DPF3: variants seen among roughly 807,000 people sequenced by gnomAD.
DPF3 encodes zinc finger protein DPF3.
DPF3 carries 18 observed loss-of-function variants against 56.8 expected under a neutral mutation model. That is an observed-to-expected ratio of 0.32 (90% confidence interval 0.22 to 0.47). DPF3 has a LOEUF of 0.47. Ranked by LOEUF, DPF3 falls within the 20% of genes least tolerant of loss-of-function variation. The pLI is 1.00. For synonymous variants in DPF3, 188 were observed against 180.2 expected (o/e 1.04, Z -0.35); for missense variants, 403 against 488.8 (o/e 0.82, Z 1.65).
intron 2 of DPF3, among the ~76,000 whole-genome samples, chr14:72,757,050 AG>A (rs150716245): frequency 0.035 from 3,643 of 102,854 alleles, 158 homozygotes; most frequent in African/African-American, 0.11. Flanking sequence ...AGAGGGACAG[AG>A]GGGGAGAAAG....
At position 72,796,168 on chromosome 14, in the gene DPF3, C is replaced by T. The variant is rs1205784217; in HGVS notation, c.33-24275G>A. On this transcript the variant is annotated intron_variant, in intron 1 of 10. Coordinates refer to ENST00000556509, the MANE Select transcript of DPF3 (RefSeq NM_001280542.3). ...TTTGATCTGCTAATTAGCTGGGTGA[C>T]TTTAAGAAAGTATGTAACTTATCTG... Among the ~76,000 whole-genome samples the T allele has an allele frequency of 4.6e-5, 7 of 152,252 alleles. 1 individual carries two copies. The East Asian group carries it at 1.3e-3, about 29-fold the overall frequency.
intron 1 of DPF3, among the ~76,000 whole-genome samples, chr14:72,863,024 A>G (rs1337367482): frequency 6.7e-6 from 1 of 149,544 alleles, no homozygotes; most frequent in African/African-American, 2.5e-5. Flanking sequence ...GGGAGGAAAA[A>G]TTACAGAATC....
In DPF3 at chr14:72,668,742, A is replaced by C. The variant is rs552555897; in HGVS notation, c.871+5498T>G. 2.0e-5 allele frequency among the ~76,000 whole-genome samples: 3 copies of C among 152,336 alleles called. No homozygotes were observed. In the South Asian group the frequency reaches 6.2e-4, roughly 32 times the overall value. ...CATTGAGAATTCTGGGACTATGAGC[A>C]ACTAGACAGAATTCAAATGAGAGTG... On this transcript the variant is annotated intron_variant, in intron 8 of 10. Coordinates refer to ENST00000556509, the MANE Select transcript of DPF3 (RefSeq NM_001280542.3).
chr14:72,738,078 G>A (rs1420717681), intron 3 of DPF3, among the ~76,000 whole-genome samples: 3 of 152,104 alleles, frequency 2.0e-5, no homozygotes, highest in African/African-American at 7.2e-5. Context: ...CCATCAGACT[G>A]TCAGACTCGT....
At chr14:72,757,316 T>C (rs1046022969) in intron 2 of DPF3, among the ~76,000 whole-genome samples, 1 of 152,194 alleles carries the variant, frequency 6.6e-6, no homozygotes, top group Non-Finnish European at 1.5e-5. Flanking sequence ...GAATTTATTA[T>C]GTCACAGGAC....
rs115014761 is a variant in DPF3 at position 72,743,239 on chromosome 14, G to A, written c.301+10025C>T. Among the ~76,000 whole-genome samples, 609 of 152,284 alleles carry A rather than the reference G, an allele frequency of 4.0e-3. 4 individuals carry two copies. The highest frequency in any genetic ancestry group is 0.013 in the African/African-American group (546 of 41,562). On this transcript the variant is annotated intron_variant, in intron 3 of 10. Transcript: ENST00000556509. ...CAAGAGTCCTGGAGCAGAAGGGATC[G>A]ACAAGGCCTCAGGTGCATTCCAGGT...
intron 1 of DPF3, among the ~76,000 whole-genome samples, chr14:72,846,235 C>T (rs186275893): frequency 5.3e-5 from 8 of 151,476 alleles, no homozygotes; most frequent in Admixed American, 1.3e-4. Context: ...CTCAGCCTCC[C>T]GAGTAGCTGG....
intron 9 of DPF3, among the ~76,000 whole-genome samples, chr14:72,628,449 G>A (rs1413486298): frequency 6.6e-6 from 1 of 151,976 alleles, no homozygotes; most frequent in African/African-American, 2.4e-5. Flanking sequence ...TTATCTTCCT[G>A]GAATTACTCC....
chr14:72,677,177 G>A (rs1179877690), intron 7 of DPF3, among the ~76,000 whole-genome samples: 4 of 151,984 alleles, frequency 2.6e-5, no homozygotes, highest in African/African-American at 9.7e-5. Flanking sequence ...AGGCCAGCTG[G>A]GGTGTGGAGG....
intron 1 of DPF3, among the ~76,000 whole-genome samples, chr14:72,871,608 T>C (rs1885903971): frequency 6.6e-6 from 1 of 152,228 alleles, no homozygotes; most frequent in South Asian, 2.1e-4. Context: ...CCCCATGGTC[T>C]TGGGCAGCTC....
At chr14:72,717,434 T>A (rs1888978201) in intron 5 of DPF3, among the ~76,000 whole-genome samples, 1 of 152,138 alleles carries the variant, frequency 6.6e-6, no homozygotes, top group Admixed American at 6.5e-5. Context: ...ACTCAACACA[T>A]CATTTCCCCC....
At chr14:72,851,664 A>C (rs1884988349) in intron 1 of DPF3, among the ~76,000 whole-genome samples, 1 of 152,240 alleles carries the variant, frequency 6.6e-6, no homozygotes, top group Admixed American at 6.5e-5. Context: ...AAATGAGAAA[A>C]TGTCACAGAT....
chr14:72,714,314 G>A (rs1888798405), intron 6 of DPF3, 109 bp downstream of exon 6: 2 of 1,363,714 alleles, frequency 1.5e-6, no homozygotes, highest in East Asian at 4.7e-5. Context: ...AGAGGAAGAG[G>A]AGAGCACACA....
intron 1 of DPF3, among the ~76,000 whole-genome samples, chr14:72,774,709 C>T (rs74735730): frequency 0.014 from 2,060 of 152,224 alleles, 49 homozygotes; most frequent in African/African-American, 0.048. Context: ...AGGCATAATA[C>T]GCTCAGAAAG....
At chr14:72,764,516 AGG>A (rs1891192106) in intron 2 of DPF3, among the ~76,000 whole-genome samples, 2 of 39,394 alleles carry the variant, frequency 5.1e-5, no homozygotes, top group Non-Finnish European at 8.8e-5. Flanking sequence ...TTTTTTTTTG[AGG>A]CGGAATGTCG....
chr14:72,781,383 A>C (rs1046857169), intron 1 of DPF3, among the ~76,000 whole-genome samples: 2 of 152,224 alleles, frequency 1.3e-5, no homozygotes, highest in Non-Finnish European at 2.9e-5. Context: ...TTGGGGACAA[A>C]GGTATCCCTT....
chr14:72,883,587 T>C (rs1210680506), intron 1 of DPF3, among the ~76,000 whole-genome samples: 2 of 152,194 alleles, frequency 1.3e-5, no homozygotes, highest in African/African-American at 4.8e-5. Flanking sequence ...GACATGCATG[T>C]AACTCTGAGA....
chr14:72,667,365 C>T (rs946011449), intron 8 of DPF3, among the ~76,000 whole-genome samples: 2 of 152,122 alleles, frequency 1.3e-5, no homozygotes, highest in Non-Finnish European at 2.9e-5. Context: ...GCCCCCCTCC[C>T]CAGGGGATTA....
chr14:72,754,879 G>T lies in DPF3; in HGVS notation c.194-1508C>A, dbSNP rs571888528. On this transcript the variant is annotated intron_variant, in intron 2 of 10. Coordinates refer to ENST00000556509, the MANE Select transcript of DPF3 (RefSeq NM_001280542.3). ...GTTTAATCACACAGCTGCTCCACAG[G>T]TCACAAGATTGTGAACAAGTTGGAG... Among the ~76,000 whole-genome samples, 3 of 152,308 alleles carry T rather than the reference G, an allele frequency of 2.0e-5. No homozygotes were observed. The South Asian group carries it at 6.2e-4, about 32-fold the overall frequency.
Sources: gnomAD v4.1 joint callset for allele counts (sites outside exome capture counted in the v4.1 genomes callset) on GRCh38, gnomAD v4.1.1 for gene constraint, MANE v1.5 for transcripts, NCBI Gene and HGNC (gene_info 2026-07-23, HGNC 2026-07-21) for gene names.